Variants in DLAT observed in about 807,000 individuals in gnomAD.
DLAT encodes dihydrolipoyllysine-residue acetyltransferase component of pyruvate dehydrogenase complex, mitochondrial.
A neutral mutation model predicts 68.0 loss-of-function variants in DLAT; 43 were observed. The observed-to-expected ratio is 0.63, with a 90% CI of 0.50 to 0.81. The LOEUF is 0.81. DLAT is among the 40% of genes least tolerant of loss of function. The pLI, the probability that DLAT is intolerant of heterozygous loss-of-function variation, is 0.00. For synonymous variants in DLAT, 265 were observed against 288.6 expected, an observed-to-expected ratio of 0.92 and a Z score of 0.83; for missense variants, 745 against 815.4, an observed-to-expected ratio of 0.91 and a Z score of 1.05.
chr11:112,027,383 G>C (rs1271064359), intron 2 of DLAT, among the ~76,000 whole-genome samples: 1 of 151,892 alleles, frequency 6.6e-6, no homozygotes, highest in Non-Finnish European at 1.5e-5. Context: ...AGATGGGATG[G>C]CAGCCGGGCA....
chr11:112,041,103 G>A (rs897916867), intron 7 of DLAT, among the ~76,000 whole-genome samples: 2 of 152,146 alleles, frequency 1.3e-5, no homozygotes, highest in African/African-American at 2.4e-5. Context: ...AGGGAGTATA[G>A]CATAGTAGTT....
In DLAT at chr11:112,045,642, C is replaced by G. The variant is rs140203439; in HGVS notation, c.1291-221C>G. Among the ~76,000 whole-genome samples, 1,016 of 151,014 alleles carry G rather than the reference C, an allele frequency of 6.7e-3. 36 individuals are homozygous for G. The East Asian group carries it at 0.11, about 16-fold the overall frequency. On this transcript the variant is annotated intron_variant, in intron 9 of 13. Transcript: ENST00000280346. ...AATGGAGGTTGTGGTGAGCCGAGAT[C>G]GCACCACCGCACTCCAGCCTGGGCA...
chr11:112,034,394 T>G (rs1244882102), intron 5 of DLAT, among the ~76,000 whole-genome samples: 1 of 152,028 alleles, frequency 6.6e-6, no homozygotes, highest in Non-Finnish European at 1.5e-5. Flanking sequence ...CCTTCTTAAT[T>G]CATTTTTAGG....
rs782594162 is a variant in DLAT, at chr11:112,060,094, A to G, written c.1677+29A>G. 5.7e-6 allele frequency: 9 copies of G among 1,583,244 alleles called. 1 individual carries two copies. The Admixed American group carries it at 8.5e-5, about 15-fold the overall frequency. On this transcript the variant is annotated intron_variant, in intron 12 of 13. Coordinates refer to ENST00000280346, the MANE Select transcript of DLAT (RefSeq NM_001931.5). ...GGGTATTAATTATTGCTTTCTAATT[A>G]TGTTATTTTTAAGGTTTGCATAATG...
chr11:112,039,474 A>G, intron 7 of DLAT, 77 bp downstream of exon 7: 2 of 1,400,920 alleles, frequency 1.4e-6, no homozygotes, highest in East Asian at 2.3e-5. Context: ...TGCAAGTACA[A>G]CTATGTATAG....
At chr11:112,045,270 C>A in intron 9 of DLAT, 40 bp downstream of exon 9, 1 of 1,364,946 alleles carries the variant, frequency 7.3e-7, no homozygotes, top group Non-Finnish European at 9.8e-7. Flanking sequence ...CTGTTAGGGG[C>A]ATCTTTAGGT....
At chr11:112,045,840 T>G (rs1396695191) in intron 9 of DLAT, 23 bp from the exon 10 acceptor site, 2 of 1,505,188 alleles carry the variant, frequency 1.3e-6, no homozygotes, top group African/African-American at 2.7e-5. Context: ...GATAATTGAT[T>G]TTTTAAATCT....
chr11:112,062,310 T>G, intron 13 of DLAT, 96 bp from the exon 14 acceptor site: 1 of 1,297,186 alleles, frequency 7.7e-7, no homozygotes, highest in Non-Finnish European at 1.1e-6. Context: ...TATTACCTGG[T>G]TGGGATTATA....
Position 112,051,825 on chromosome 11 carries a change from G to C in DLAT, c.1514+476G>C, listed in dbSNP as rs1450996151. On this transcript the variant is annotated intron_variant, in intron 11 of 13. Coordinates refer to ENST00000280346, the MANE Select transcript of DLAT (RefSeq NM_001931.5). The surrounding 1 kb of genome is among the most constrained non-coding windows in gnomAD (Gnocchi z 4.3). ...TTAAGTTGATAATGACTGTCACAAA[G>C]CAGGGTTAAACAGATGATTTTCATT... is the stretch of plus-strand genomic sequence containing the variant. 6.6e-6 allele frequency among the ~76,000 whole-genome samples: 1 copy of C among 152,194 alleles called. No individual in the cohort carries two copies. The highest frequency in any genetic ancestry group is 1.9e-4 in the East Asian group (1 of 5,196).
Position 112,039,295 on chromosome 11 carries a change from C to T in DLAT, c.1027C>T (p.Pro343Ser). ...GCCTTTAGCTCCTACACCTTCAGCACCCTGCCCAGCTACTCCTGCTGGACC... is the reference window on the plus strand; with the variant it reads ...GCCTTTAGCTCCTACACCTTCAGCATCCTGCCCAGCTACTCCTGCTGGACC... The part of the protein sequence containing the change: ...PQPLAPTPSA[P>S]CPATPAGPKG... Residue 343 changes from proline to serine, a missense_variant, in exon 7 of 14, where the codon CCC (proline) becomes TCC (serine). Pro to Ser is a moderately conservative substitution (Grantham distance 74, BLOSUM62 -1). Transcript: ENST00000280346. The T allele has an allele frequency of 1.2e-6, 2 of 1,614,126 alleles. No homozygotes were observed. Among genetic ancestry groups the T allele is most frequent in the Non-Finnish European group, 1.7e-6 (2 of 1,180,020 alleles).
chr11:112,048,265 T>G (rs1555181645), intron 10 of DLAT, among the ~76,000 whole-genome samples: 1 of 152,188 alleles, frequency 6.6e-6, no homozygotes, highest in Non-Finnish European at 1.5e-5. Context: ...TTTGGCTCTC[T>G]GTTTGTCTGT....
intron 7 of DLAT, among the ~76,000 whole-genome samples, chr11:112,042,127 A>G: frequency 6.6e-6 from 1 of 152,216 alleles, no homozygotes; most frequent in East Asian, 1.9e-4. Context: ...ACGTTTATAT[A>G]GTTTATGTTT....
chr11:112,058,249 A>C (rs1395031916), intron 11 of DLAT, among the ~76,000 whole-genome samples: 3 of 152,208 alleles, frequency 2.0e-5, no homozygotes, highest in Non-Finnish European at 2.9e-5. Context: ...TGATTGAACA[A>C]GCAATATTGT....
intron 4 of DLAT, chr11:112,030,203 C>T (rs1862319620): frequency 1.7e-6 from 1 of 593,174 alleles, no homozygotes; most frequent in African/African-American, 1.9e-5. Context: ...CTATTGGAAC[C>T]CCATCTTTTC....
In DLAT at chr11:112,043,333, G is replaced by C. The variant is rs1863141025; in HGVS notation, c.1130-133G>C. ...TGTAGGTAGCACCTTAAGGGGTAGG[G>C]TTAAGGCTGTGAACCTTTCAGAATG... On this transcript the variant is annotated intron_variant, in intron 7 of 13. Transcript: ENST00000280346. The C allele has an allele frequency of 2.2e-5, 18 of 836,936 alleles. No individual in the cohort carries two copies. In the South Asian group the frequency reaches 2.5e-4, roughly 12 times the overall value. The allele number at this position is 836,936 out of a possible 1,614,324, so 51.8% of individuals were successfully genotyped here.
intron 7 of DLAT, 124 bp downstream of exon 7, chr11:112,039,521 A>C (rs1296483729): frequency 3.9e-6 from 4 of 1,023,518 alleles, no homozygotes; most frequent in East Asian, 2.5e-5. Flanking sequence ...ACAATCATTA[A>C]TAATTCCTTC....
chr11:112,025,594 C>T lies in DLAT; in HGVS notation c.122C>T (p.Ala41Val). 6.2e-7 allele frequency: 1 copy of T among 1,613,974 alleles called. No individual in the cohort carries two copies. The highest frequency in any genetic ancestry group is 1.1e-5 in the South Asian group (1 of 91,084). The change falls in exon 1 of 14, where the codon GCT (alanine) becomes GTT (valine). Residue 41 changes from alanine to valine, a missense_variant. Ala to Val is a moderately conservative substitution (Grantham distance 64). Coordinates refer to ENST00000280346, the MANE Select transcript of DLAT (RefSeq NM_001931.5). Reference sequence around the variant, plus strand: ...CGAGTGACCTCGCGATCTGGCCCGGCTCCCGCTCGTCGCAACAGCGTGACT... The same window carrying T: ...CGAGTGACCTCGCGATCTGGCCCGGTTCCCGCTCGTCGCAACAGCGTGACT... ...TPRVTSRSGP[A>V]PARRNSVTTG...
Position 112,058,625 on chromosome 11 carries a change from TGG to T in DLAT, c.1515-1269_1515-1268del, listed in dbSNP as rs1169416538. ...CAGTTGGGGTGGGGGAAGGGGGGGG[TGG>T]GGGGGGGGAATCACCTTTTTTTTTT... On this transcript the variant is annotated intron_variant, in intron 11 of 13. Transcript: ENST00000280346. Among the ~76,000 whole-genome samples, 19 of 71,972 alleles carry T rather than the reference TGG, an allele frequency of 2.6e-4. 1 individual carries two copies. Among genetic ancestry groups the T allele is most frequent in the African/African-American group, 9.3e-4 (18 of 19,398 alleles). The allele number at this position is 71,972 out of a possible 152,430, so 47.2% of individuals were successfully genotyped here.
Position 112,025,479 on chromosome 11 carries a change from C to T in DLAT, c.7C>T (p.Arg3Cys), listed in dbSNP as rs782438108. The change falls in exon 1 of 14, where the codon CGC (arginine) becomes TGC (cysteine). Residue 3 changes from arginine (R) to cysteine (C), a missense_variant. By Grantham distance (180) the Arg-to-Cys change is radical. Transcript: ENST00000280346. MW[R>C]VCARRAQNVA... ...GTGGGGGGTTGGTGGCACTATGTGG[C>T]GCGTCTGTGCGCGACGGGCTCAGAA... is the stretch of plus-strand genomic sequence containing the variant. 5 of 1,612,386 alleles carry T rather than the reference C, an allele frequency of 3.1e-6. No homozygotes were observed. Among genetic ancestry groups the T allele is most frequent in the Non-Finnish European group, 3.4e-6 (4 of 1,179,730 alleles).
Sources: allele counts gnomAD v4.1 joint callset (sites outside exome capture counted in the v4.1 genomes callset), GRCh38; gene constraint gnomAD v4.1.1; non-coding constraint Gnocchi (gnomAD v3.1); transcripts MANE v1.5; gene names NCBI Gene and HGNC (gene_info 2026-07-23, HGNC 2026-07-21).